Variants in NTRK3 observed in about 807,000 individuals in gnomAD.
The protein encoded by NTRK3 is neurotrophic receptor tyrosine kinase 3.
Under a neutral mutation model 91.7 loss-of-function variants are expected in NTRK3, and 24 were observed. That is an observed-to-expected ratio of 0.26 (90% CI 0.19 to 0.37). The LOEUF is 0.37. Among genes scored for constraint, NTRK3 ranks in the 10% least tolerant of loss-of-function variants. The pLI is 1.00. For synonymous variants in NTRK3, 483 were observed against 404.0 expected, an observed-to-expected ratio of 1.20 and a Z score of -2.34; for missense variants, 880 against 1,068.9, an observed-to-expected ratio of 0.82 and a Z score of 2.46.
intron 14 of NTRK3, among the ~76,000 whole-genome samples, chr15:88,006,582 G>A (rs920738190): frequency 1.3e-5 from 2 of 152,204 alleles, no homozygotes; most frequent in Non-Finnish European, 2.9e-5. Flanking sequence ...GGCTTCAGGT[G>A]GAAATAAGAG....
exon 19 of NTRK3, chr15:87,865,863 A>G (rs948312782): frequency 8.7e-6 from 2 of 228,982 alleles, no homozygotes; most frequent in African/African-American, 4.4e-5. Flanking sequence ...ATTCTCCATC[A>G]CTAGATACTC....
At chr15:87,902,989 C>T (rs898642050) in intron 17 of NTRK3, among the ~76,000 whole-genome samples, 1 of 152,176 alleles carries the variant, frequency 6.6e-6, no homozygotes, top group Non-Finnish European at 1.5e-5. Flanking sequence ...ACACAGTTCA[C>T]ATTGTGGGCT....
In NTRK3 at chr15:88,025,179, C is replaced by A. The variant is rs141337198; in HGVS notation, c.1585+7678G>T. On this transcript the variant is annotated intron_variant, in intron 14 of 18. Coordinates refer to ENST00000394480, the Ensembl canonical transcript of NTRK3. ...CCAGTCTAATGTGAAATGCAATGAA[C>A]CTCACTTGGTATAACCATTCACTTT... 2.2e-4 allele frequency among the ~76,000 whole-genome samples: 33 copies of A among 152,318 alleles called. 1 individual carries two copies. The East Asian group carries it at 6.2e-3, about 29-fold the overall frequency.
chr15:87,994,329 A>G (rs981539243), intron 14 of NTRK3, among the ~76,000 whole-genome samples: 1 of 152,230 alleles, frequency 6.6e-6, no homozygotes. Context: ...GTTCAAGTTA[A>G]GATGAAGTCA....
chr15:88,116,227 C>G (rs2052050579), intron 13 of NTRK3, among the ~76,000 whole-genome samples: 1 of 152,090 alleles, frequency 6.6e-6, no homozygotes, highest in Admixed American at 6.5e-5. Context: ...ACTATAGAAA[C>G]AGTTTTAGGA....
intron 3 of NTRK3, among the ~76,000 whole-genome samples, chr15:88,190,934 G>A (rs1253807128): frequency 6.6e-6 from 1 of 152,190 alleles, no homozygotes; most frequent in Non-Finnish European, 1.5e-5. Flanking sequence ...AAGGGAATAT[G>A]AAAACATTCA....
At chr15:87,942,649 A>G (rs1409022343) in intron 14 of NTRK3, among the ~76,000 whole-genome samples, 1 of 152,188 alleles carries the variant, frequency 6.6e-6, no homozygotes, top group Admixed American at 6.5e-5. Context: ...CTGGGAAGCC[A>G]CAGGTGCTTG....
exon 19 of NTRK3, chr15:87,866,290 A>G (rs1204299145): frequency 2.5e-5 from 5 of 199,422 alleles, no homozygotes; most frequent in African/African-American, 1.2e-4. Flanking sequence ...AGCATTCATA[A>G]TAGACCCCAA....
intron 14 of NTRK3, among the ~76,000 whole-genome samples, chr15:87,975,368 C>G (rs117970302): frequency 6.6e-6 from 1 of 152,104 alleles, no homozygotes; most frequent in African/African-American, 2.4e-5. Context: ...ATCCAGGGAG[C>G]GCCTGGCAAG....
chr15:88,136,147 G>A (rs2151203939), intron 8 of NTRK3, 107 bp from the exon 9 acceptor site: 1 of 1,410,538 alleles, frequency 7.1e-7, no homozygotes, highest in East Asian at 2.3e-5. Flanking sequence ...TGAGCGGAAG[G>A]CGAAGGAGAT....
intron 17 of NTRK3, among the ~76,000 whole-genome samples, chr15:87,895,863 C>G (rs561143382): frequency 7.3e-5 from 11 of 151,014 alleles, no homozygotes; most frequent in African/African-American, 2.7e-4. Context: ...TGTGCACAAT[C>G]CTTTATCTTA....
At chr15:88,192,800 A>G (rs907910483) in intron 3 of NTRK3, among the ~76,000 whole-genome samples, 1 of 151,606 alleles carries the variant, frequency 6.6e-6, no homozygotes, top group African/African-American at 2.4e-5. Flanking sequence ...GCTTCTTTCA[A>G]TCCCTCAGAT....
intron 14 of NTRK3, among the ~76,000 whole-genome samples, chr15:88,000,578 T>C (rs1045838107): frequency 6.6e-6 from 1 of 152,224 alleles, no homozygotes; most frequent in African/African-American, 2.4e-5. Context: ...ATTTGCTTAT[T>C]CTGGACAAAT....
At chr15:88,208,001 G>A (rs61332567) in intron 3 of NTRK3, among the ~76,000 whole-genome samples, 1 of 152,140 alleles carries the variant, frequency 6.6e-6, no homozygotes, top group Non-Finnish European at 1.5e-5. Context: ...AAAGGCATGA[G>A]GCAAGTAAGG....
intron 13 of NTRK3, among the ~76,000 whole-genome samples, chr15:88,057,770 C>G (rs1004560707): frequency 2.0e-5 from 3 of 152,252 alleles, no homozygotes; most frequent in African/African-American, 7.2e-5. Context: ...CCCATAGCCT[C>G]TTGCAGAACA....
intron 13 of NTRK3, among the ~76,000 whole-genome samples, chr15:88,090,087 C>A (rs2150746188): frequency 6.6e-6 from 1 of 152,294 alleles, no homozygotes; most frequent in East Asian, 1.9e-4. Context: ...CTGTGAAGCC[C>A]TCCCCTCTCT....
intron 14 of NTRK3, among the ~76,000 whole-genome samples, chr15:87,997,452 C>G (rs895312783): frequency 6.6e-6 from 1 of 152,120 alleles, no homozygotes; most frequent in African/African-American, 2.4e-5. Flanking sequence ...ATTCTTACCA[C>G]CCTGCATGAC....
chr15:87,937,019 TC>T (rs2069355089), intron 15 of NTRK3, among the ~76,000 whole-genome samples: 1 of 152,240 alleles, frequency 6.6e-6, no homozygotes, highest in Admixed American at 6.5e-5. Context: ...TCATGGCCTT[TC>T]CGTACTCTCC....
In NTRK3 at chr15:88,235,088, C is replaced by CCTCCCCAT. The variant is rs1160488582; in HGVS notation, c.248+20810_248+20817dup. Among the ~76,000 whole-genome samples the CCTCCCCAT allele has an allele frequency of 1.3e-5, 2 of 152,200 alleles. No homozygotes were observed. The highest frequency in any genetic ancestry group is 2.9e-5 in the Non-Finnish European group (2 of 68,032). On this transcript the variant is annotated intron_variant, in intron 3 of 18. Transcript: ENST00000394480. This position sits in a 1 kb window ranked among gnomAD's most constrained non-coding sequence, Gnocchi z 5.2. The stretch of plus-strand genomic sequence containing the variant: ...CCCTTACACAAAGGCAGCCTCCTCA[C>CCTCCCCAT]CTCCCCATCATGCCTCATAACAGAG...
Sources: gnomAD v4.1 joint callset for allele counts (sites outside exome capture counted in the v4.1 genomes callset) on GRCh38, gnomAD v4.1.1 for gene constraint, Gnocchi (gnomAD v3.1) non-coding constraint, MANE v1.5 for transcripts, NCBI Gene and HGNC (gene_info 2026-07-23, HGNC 2026-07-21) for gene names.